FLNB: variants seen among roughly 807,000 people sequenced by gnomAD.
The protein encoded by FLNB is filamin-B.
Under a neutral mutation model 250.6 loss-of-function variants are expected in FLNB, and 111 were observed. The observed-to-expected ratio is 0.44, with a 90% CI of 0.38 to 0.52. FLNB has a LOEUF of 0.52. Ranked by LOEUF, FLNB falls within the 20% of genes least tolerant of loss-of-function variation. The pLI, the probability that FLNB is intolerant of heterozygous loss-of-function variation, is 0.00. For synonymous variants in FLNB, 1,302 were observed against 1,372.1 expected (o/e 0.95, Z 1.13); for missense variants, 2,869 against 3,447.8 (o/e 0.83, Z 4.20).
At chr3:58,108,407 T>G in intron 12 of FLNB, 51 bp from the exon 13 acceptor site, 2 of 1,168,540 alleles carry the variant, frequency 1.7e-6, no homozygotes, top group Non-Finnish European at 2.6e-6. Flanking sequence ...TGTATAAGGG[T>G]TTAGTTGGGG....
At chr3:58,132,986 T>C (rs927173754) in intron 26 of FLNB, 55 bp downstream of exon 26, 16 of 1,560,582 alleles carry the variant, frequency 1.0e-5, no homozygotes, top group Non-Finnish European at 1.4e-5. Context: ...TGTCCACCCA[T>C]CCATTCCTCC....
intron 32 of FLNB, among the ~76,000 whole-genome samples, chr3:58,144,875 C>T (rs2097333321): frequency 6.6e-6 from 1 of 152,208 alleles, no homozygotes; most frequent in East Asian, 1.9e-4. Flanking sequence ...ACAACTTTCC[C>T]TATGTCTATT....
rs2097265910 is a variant in FLNB, at chr3:58,110,083, T to G, written c.2397T>G (p.Ile799Met). ...SEDEEDVDFDIIHNANDTFTV... is the reference protein window; with the variant it reads ...SEDEEDVDFDMIHNANDTFTV... ...ATGAGGAAGACGTGGATTTTGACATTATTCACAATGCCAATGATACGTTCA... is the reference window on the plus strand; with the variant it reads ...ATGAGGAAGACGTGGATTTTGACATGATTCACAATGCCAATGATACGTTCA... The change falls in exon 16 of 46, where the codon ATT (isoleucine) becomes ATG (methionine). Residue 799 changes from isoleucine to methionine, a missense_variant. By Grantham distance (10) the Ile-to-Met change is conservative (BLOSUM62 1). Around this residue, in one of 5 missense-constraint regions of FLNB, gnomAD observed 1,348 missense variants for 1,466.7 expected, o/e 0.92. Coordinates refer to ENST00000295956, the MANE Select transcript of FLNB (RefSeq NM_001457.4). 1 of 1,614,040 alleles carries G rather than the reference T, an allele frequency of 6.2e-7. No individual in the cohort carries two copies. The highest frequency in any genetic ancestry group is 1.3e-5 in the African/African-American group (1 of 74,908).
chr3:58,160,962 A>G (rs1575474079), intron 42 of FLNB, among the ~76,000 whole-genome samples: 1 of 152,302 alleles, frequency 6.6e-6, no homozygotes, highest in South Asian at 2.1e-4. Flanking sequence ...CAGCCTGGGT[A>G]ACACAGCAAG....
intron 1 of FLNB, among the ~76,000 whole-genome samples, chr3:58,053,330 C>A (rs2097165454): frequency 6.6e-6 from 1 of 152,260 alleles, no homozygotes; most frequent in Non-Finnish European, 1.5e-5. Flanking sequence ...ACTGCAGGCA[C>A]ATGCCACCAT....
At chr3:58,135,433 G>C (rs890490782) in intron 27 of FLNB, among the ~76,000 whole-genome samples, 1 of 152,162 alleles carries the variant, frequency 6.6e-6, no homozygotes, top group African/African-American at 2.4e-5. Context: ...CATCCACATG[G>C]CAGGCCAGAA....
intron 1 of FLNB, among the ~76,000 whole-genome samples, chr3:58,052,115 T>G (rs1352195656): frequency 6.6e-6 from 1 of 152,186 alleles, no homozygotes; most frequent in Non-Finnish European, 1.5e-5. Context: ...CTTGAACTCC[T>G]GACCTCAGGT....
In FLNB at chr3:58,039,063, T is replaced by C. The variant is rs527479785; in HGVS notation, c.292+30207T>C. Among the ~76,000 whole-genome samples the C allele has an allele frequency of 9.9e-4, 149 of 150,796 alleles. 1 individual carries two copies. Among genetic ancestry groups the C allele is most frequent in the African/African-American group, 3.3e-3 (135 of 40,970 alleles). On this transcript the variant is annotated intron_variant, in intron 1 of 45. Transcript: ENST00000295956. ...TTAAAAAAAAGACAAGATCTCGCTC[T>C]GTCACCCCGGCTGGAATGCAGTGGC...
chr3:58,112,561 C>A (rs959394222), intron 18 of FLNB, among the ~76,000 whole-genome samples: 2 of 152,248 alleles, frequency 1.3e-5, no homozygotes, highest in Non-Finnish European at 2.9e-5. Flanking sequence ...ATATCTCCAC[C>A]TTTGGTTTGC....
At position 58,057,122 on chromosome 3, in the gene FLNB, C is replaced by T. The variant is rs558862629; in HGVS notation, c.293-19924C>T. On this transcript the variant is annotated intron_variant, in intron 1 of 45. Transcript: ENST00000295956. ...TCCTGAGTAGCTGGGACTACTGGCA[C>T]GTGCCACCATGCCTGGTTAATTTTT... is the stretch of plus-strand genomic sequence containing the variant. 1.4e-3 allele frequency among the ~76,000 whole-genome samples: 210 copies of T among 152,228 alleles called. 2 individuals are homozygous for T. Among genetic ancestry groups the T allele is most frequent in the African/African-American group, 2.0e-3 (85 of 41,538 alleles).
At chr3:58,062,632 G>A (rs753959912) in intron 1 of FLNB, among the ~76,000 whole-genome samples, 2 of 152,124 alleles carry the variant, frequency 1.3e-5, no homozygotes, top group Non-Finnish European at 2.9e-5. Context: ...AGACTGCCCC[G>A]GAATCTGTGG....
Position 58,143,537 on chromosome 3 carries a change from G to T in FLNB, c.5349G>T (p.Thr1783=), listed in dbSNP as rs746613154. Residue 1783 remains threonine (T), a synonymous_variant, in exon 32 of 46, where the codon ACG becomes ACT. Coordinates refer to ENST00000295956, the MANE Select transcript of FLNB (RefSeq NM_001457.4). ...AGATTGTGGACAACAAGGACGGCAC[G>T]GTCACTGTTAGATATGCCCCCACTG... ...TPEIVDNKDG[T]VTVRYAPTEV... is the part of the protein sequence containing the mutation. The T allele has an allele frequency of 6.2e-7, 1 of 1,613,964 alleles. No individual in the cohort carries two copies. Among genetic ancestry groups the T allele is most frequent in the Non-Finnish European group, 8.5e-7 (1 of 1,179,972 alleles).
rs758030883 is a variant in FLNB at position 58,124,451 on chromosome 3, G to C, written c.3844G>C (p.Val1282Leu). ...NPSGASTECF[V>L]TDNADGTYQV... is the part of the protein sequence containing the mutation. ...CTCAGGGGCCTCCACCGAGTGCTTT[G>C]TCACAGACAATGCGGATGGGACCTA... Residue 1282 changes from valine to leucine, a missense_variant, in exon 22 of 46, where the codon GTC (valine) becomes CTC (leucine). Physicochemically the swap from Val to Leu is conservative, Grantham distance 32 (BLOSUM62 1). Coordinates refer to ENST00000295956, the MANE Select transcript of FLNB (RefSeq NM_001457.4). 1.2e-6 allele frequency: 2 copies of C among 1,614,240 alleles called. No homozygotes were observed. Among genetic ancestry groups the C allele is most frequent in the South Asian group, 2.2e-5 (2 of 91,080 alleles).
chr3:58,011,216 C>T (rs549431019), intron 1 of FLNB, among the ~76,000 whole-genome samples: 1 of 152,174 alleles, frequency 6.6e-6, no homozygotes, highest in East Asian at 1.9e-4. Context: ...CCAGCCCGGT[C>T]CTCCTTTTAT....
At chr3:58,133,099 CCATCCATCCATT>C (rs998472718) in intron 26 of FLNB, among the ~76,000 whole-genome samples, 168 bp downstream of exon 26, 1 of 152,074 alleles carries the variant, frequency 6.6e-6, no homozygotes, top group African/African-American at 2.4e-5. Context: ...ATCAGTCCAT[CCATCCATCCATT>C]CTTTCATCAT....
intron 5 of FLNB, 139 bp from the exon 6 acceptor site, chr3:58,096,002 C>T (rs1039073317): frequency 2.4e-5 from 17 of 704,004 alleles, no homozygotes; most frequent in Non-Finnish European, 3.6e-5. Context: ...TCTCTAGGGG[C>T]GTTGTGCAAG....
In FLNB at chr3:58,008,601, C is replaced by A; in HGVS notation, c.37C>A (p.Pro13Thr). 6.2e-7 allele frequency: 1 copy of A among 1,610,998 alleles called. No homozygotes were observed. Among genetic ancestry groups the A allele is most frequent in the South Asian group, 1.1e-5 (1 of 90,800 alleles). Residue 13 changes from proline to threonine, a missense_variant, in exon 1 of 46, where the codon CCT (proline) becomes ACT (threonine). Pro to Thr is a conservative substitution (Grantham distance 38, BLOSUM62 -1). Coordinates refer to ENST00000295956, the MANE Select transcript of FLNB (RefSeq NM_001457.4). ...CGAGAAGGATCTAGCTGAGGACGCG[C>A]CTTGGAAGAAGATCCAGCAGAACAC... ...VTEKDLAEDAPWKKIQQNTFT... is the reference protein window; with the variant it reads ...VTEKDLAEDATWKKIQQNTFT...
In FLNB at chr3:58,149,911, C is replaced by T. The variant is rs1483282409; in HGVS notation, c.6153C>T (p.Asp2051=). Residue 2051 remains aspartate (D), a synonymous_variant, in exon 37 of 46, where the codon GAC becomes GAT. Transcript: ENST00000295956. ...GCAAAGTGGACATCCAGACGGAGGA[C>T]CTGGAAGATGGCACCTGCAAAGTCT... The part of the protein sequence containing the change: ...GPSKVDIQTE[D]LEDGTCKVSY... 2 of 1,614,226 alleles carry T rather than the reference C, an allele frequency of 1.2e-6. No homozygotes were observed. The highest frequency in any genetic ancestry group is 2.2e-5 in the East Asian group (1 of 44,886).
At chr3:58,119,351 T>A (rs1236638262) in intron 19 of FLNB, among the ~76,000 whole-genome samples, 2 of 152,218 alleles carry the variant, frequency 1.3e-5, no homozygotes, top group East Asian at 1.9e-4. Flanking sequence ...GAATTTGGGC[T>A]ATGTTGCTTT....
Sources: gnomAD v4.1 joint callset for allele counts (sites outside exome capture counted in the v4.1 genomes callset) on GRCh38, gnomAD v4.1.1 for gene constraint, gnomAD v4.1.1 regional missense constraint, MANE v1.5 for transcripts, NCBI Gene and HGNC (gene_info 2026-07-23, HGNC 2026-07-21) for gene names.